Variants in POLN observed in about 807,000 individuals in gnomAD.
POLN encodes DNA polymerase N.
In POLN, 108 loss-of-function variants were observed where a neutral mutation model predicts 113.5. The observed-to-expected ratio is 0.95, with a 90% CI of 0.81 to 1.12. The LOEUF (loss-of-function observed/expected upper bound fraction) is 1.12, where lower values mean the gene tolerates loss of function less well. POLN is among the 50% of genes most tolerant of loss of function. The probability of loss-of-function intolerance (pLI) is 0.00; values close to 1 mark genes in which losing one functional copy is unlikely to be tolerated. For synonymous variants in POLN, 386 were observed against 391.5 expected (o/e 0.99, Z 0.17); for missense variants, 1,097 against 1,077.1 (o/e 1.02, Z -0.26).
chr4:2,136,479 ATC>A (rs1731861273), intron 16 of POLN, among the ~76,000 whole-genome samples: 1 of 152,246 alleles, frequency 6.6e-6, no homozygotes, highest in South Asian at 2.1e-4. Context: ...ACATCCCAGC[ATC>A]TGTTTTCATG....
intron 7 of POLN, among the ~76,000 whole-genome samples, chr4:2,191,811 T>C (rs1419715963): frequency 6.6e-6 from 1 of 152,016 alleles, no homozygotes; most frequent in East Asian, 1.9e-4. Context: ...AAGTGGCAGT[T>C]TGGAAGTATG....
intron 16 of POLN, among the ~76,000 whole-genome samples, chr4:2,134,133 T>C (rs10022008): frequency 0.022 from 3,331 of 152,344 alleles, 117 homozygotes; most frequent in African/African-American, 0.076. Flanking sequence ...CAGATTGATT[T>C]ATTTCATTTG....
At chr4:2,179,648 C>T (rs1268951421) in intron 7 of POLN, among the ~76,000 whole-genome samples, 183 bp from the exon 8 acceptor site, 2 of 152,134 alleles carry the variant, frequency 1.3e-5, no homozygotes, top group South Asian at 2.1e-4. Context: ...AAGGCAGCCT[C>T]GATGAACCCA....
At chr4:2,149,910 C>T (rs1178977083) in intron 16 of POLN, among the ~76,000 whole-genome samples, 11 of 152,012 alleles carry the variant, frequency 7.2e-5, no homozygotes, top group African/African-American at 2.4e-4. Flanking sequence ...AGTGAAACCC[C>T]GTCTCTACTA....
chr4:2,080,210 C>A, intron 23 of POLN: 7 of 987,666 alleles, frequency 7.1e-6, no homozygotes, highest in Non-Finnish European at 8.4e-6. Context: ...TCACCACTTG[C>A]AGCACCCCCA....
chr4:2,174,648 C>A, intron 10 of POLN, 43 bp downstream of exon 10: 3 of 1,489,026 alleles, frequency 2.0e-6, no homozygotes, highest in Non-Finnish European at 2.8e-6. Context: ...ATATGAAGAA[C>A]CCTCTAGAAA....
intron 20 of POLN, among the ~76,000 whole-genome samples, chr4:2,094,372 A>AAAAAAAAAAAAAG (rs1553893365): frequency 1.3e-5 from 2 of 149,660 alleles, no homozygotes; most frequent in East Asian, 2.0e-4. Flanking sequence ...CCAAAAAAAA[A>AAAAAAAAAAAAAG]AAAGAAAGAA....
chr4:2,223,521 C>T (rs533902771), intron 3 of POLN, among the ~76,000 whole-genome samples: 3 of 152,282 alleles, frequency 2.0e-5, no homozygotes, highest in Non-Finnish European at 2.9e-5. Flanking sequence ...ACCCCCATCC[C>T]GTGGAAAAAT....
intron 16 of POLN, among the ~76,000 whole-genome samples, chr4:2,145,957 C>T (rs761319016): frequency 6.6e-6 from 1 of 151,844 alleles, no homozygotes; most frequent in Non-Finnish European, 1.5e-5. Context: ...CGTCTGTCAA[C>T]ACAGATAAAT....
intron 23 of POLN, among the ~76,000 whole-genome samples, chr4:2,078,253 A>T (rs1730322633): frequency 6.6e-6 from 1 of 152,320 alleles, no homozygotes; most frequent in East Asian, 1.9e-4. Context: ...ACCAGAAGAG[A>T]CAGACAGGAC....
At chr4:2,173,355 G>A (rs997106058) in intron 11 of POLN, among the ~76,000 whole-genome samples, 1 of 152,090 alleles carries the variant, frequency 6.6e-6, no homozygotes, top group Non-Finnish European at 1.5e-5. Flanking sequence ...TATAATGTGT[G>A]GTGGTCACGT....
Position 2,113,222 on chromosome 4 carries a change from A to G in POLN, c.1982+14891T>C, listed in dbSNP as rs1367426349. 7.7e-5 allele frequency among the ~76,000 whole-genome samples: 9 copies of G among 116,260 alleles called. No homozygotes were observed. In the Admixed American group the frequency reaches 9.5e-4, roughly 12 times the overall value. 76.3% of individuals were successfully genotyped at this position (116,260 alleles called of 152,430 possible). On this transcript the variant is annotated intron_variant, in intron 19 of 25. Coordinates refer to ENST00000511885, the MANE Select transcript of POLN (RefSeq NM_181808.4). ...GGACACAGGAAGGGGAACATCACAC[A>G]CCGGGGACTGTTGCAGGGTGGGGGG... is the stretch of plus-strand genomic sequence containing the variant.
chr4:2,090,174 TA>T, intron 20 of POLN: 1 of 988,112 alleles, frequency 1.0e-6, no homozygotes. Flanking sequence ...AAGAAGAAAA[TA>T]AGACTCCTTA....
chr4:2,088,847 A>C (rs1279008150), intron 20 of POLN: 2 of 1,474,012 alleles, frequency 1.4e-6, no homozygotes, highest in South Asian at 2.5e-5. Flanking sequence ...TCTACTATAA[A>C]GAAAAGTCTT....
chr4:2,163,027 CAAAA>C (rs66769262), intron 13 of POLN, among the ~76,000 whole-genome samples: 23 of 66,548 alleles, frequency 3.5e-4, no homozygotes, highest in African/African-American at 1.2e-3. Context: ...CAGTTCCTAC[CAAAA>C]AAAAAAAAAA....
chr4:2,146,781 G>A (rs1034922813), intron 16 of POLN, among the ~76,000 whole-genome samples: 11 of 152,134 alleles, frequency 7.2e-5, no homozygotes, highest in Non-Finnish European at 1.2e-4. Context: ...GGCAGAAAAA[G>A]TATCTCGACA....
chr4:2,206,951 A>C (rs1024764056), intron 5 of POLN, among the ~76,000 whole-genome samples: 5 of 152,378 alleles, frequency 3.3e-5, no homozygotes, highest in African/African-American at 9.6e-5. Flanking sequence ...TTGCACGTGC[A>C]TGGTTATAGC....
At chr4:2,174,117 G>A in intron 10 of POLN, 98 bp from the exon 11 acceptor site, 3 of 1,135,934 alleles carry the variant, frequency 2.6e-6, no homozygotes, top group South Asian at 2.5e-5. Context: ...AATAATGACT[G>A]CAACTGCCAT....
At chr4:2,132,041 C>T (rs1167680929) in intron 16 of POLN, among the ~76,000 whole-genome samples, 1 of 152,206 alleles carries the variant, frequency 6.6e-6, no homozygotes, top group Non-Finnish European at 1.5e-5. Context: ...CAAAGTCCTG[C>T]AATCTTACAG....
Sources: gnomAD v4.1 joint callset for allele counts (sites outside exome capture counted in the v4.1 genomes callset) on GRCh38, gnomAD v4.1.1 for gene constraint, MANE v1.5 for transcripts, NCBI Gene and HGNC (gene_info 2026-07-23, HGNC 2026-07-21) for gene names.